The following PPM1L variants were observed in gnomAD, a reference collection of about 807,000 sequenced individuals.
PPM1L encodes protein phosphatase 1L.
PPM1L carries 13 observed loss-of-function variants against 31.4 expected under a neutral mutation model. The ratio of observed to expected loss-of-function variants is 0.41; its 90% confidence interval spans 0.27 to 0.66. The LOEUF (loss-of-function observed/expected upper bound fraction) is 0.66. PPM1L is among the 30% of genes least tolerant of loss of function. The pLI, the probability that PPM1L is intolerant of heterozygous loss-of-function variation, is 0.29. For missense variants in PPM1L, 326 were observed against 453.7 expected, an observed-to-expected ratio of 0.72 and a Z score of 2.56; for synonymous variants, 184 against 175.4, an observed-to-expected ratio of 1.05 and a Z score of -0.39.
intron 1 of PPM1L, among the ~76,000 whole-genome samples, chr3:160,844,540 A>G (rs1335998075): frequency 3.3e-5 from 5 of 152,154 alleles, no homozygotes; most frequent in African/African-American, 1.2e-4. Context: ...ACCGGTTTGC[A>G]AATCTTTTCT....
intron 1 of PPM1L, among the ~76,000 whole-genome samples, chr3:160,835,637 C>T (rs375773321): frequency 6.6e-6 from 1 of 152,104 alleles, no homozygotes; most frequent in Non-Finnish European, 1.5e-5. Flanking sequence ...CCACTCCTCT[C>T]TACCACAGAC....
chr3:160,835,067 C>CTTCTTCTTCTTCTTCTTCTTT (rs1713664309), intron 1 of PPM1L, among the ~76,000 whole-genome samples: 1 of 148,876 alleles, frequency 6.7e-6, no homozygotes, highest in African/African-American at 2.5e-5. Flanking sequence ...TCTTCTTCTT[C>CTTCTTCTTCTTCTTCTTCTTT]TTCTTCTTCT....
chr3:161,047,119 G>A (rs1719106842), intron 2 of PPM1L, among the ~76,000 whole-genome samples: 1 of 152,110 alleles, frequency 6.6e-6, no homozygotes, highest in Admixed American at 6.6e-5. Context: ...GAAATAAAGG[G>A]TATTCAGCTA....
intron 1 of PPM1L, among the ~76,000 whole-genome samples, chr3:160,853,301 C>G (rs1190124579): frequency 6.6e-6 from 1 of 152,158 alleles, no homozygotes; most frequent in East Asian, 1.9e-4. Context: ...CAGCCTACTA[C>G]AAATACTTTA....
chr3:160,846,226 A>T (rs1228552266), intron 1 of PPM1L, among the ~76,000 whole-genome samples: 1 of 152,082 alleles, frequency 6.6e-6, no homozygotes, highest in Non-Finnish European at 1.5e-5. Flanking sequence ...TTTTGTCTGG[A>T]TCTTTGTTCA....
At chr3:160,818,356 C>T (rs7648363) in intron 1 of PPM1L, among the ~76,000 whole-genome samples, 46,466 of 151,786 alleles carry the variant, frequency 0.31, 7,667 homozygotes, top group East Asian at 0.52. Context: ...ATTGCTGGGA[C>T]ACAGTATTTG....
chr3:161,048,100 A>G (rs900974063), intron 2 of PPM1L, among the ~76,000 whole-genome samples: 2 of 152,250 alleles, frequency 1.3e-5, no homozygotes, highest in Non-Finnish European at 2.9e-5. Context: ...ATCTAATTAA[A>G]CTAAAGAGCT....
At position 161,069,443 on chromosome 3, in the gene PPM1L, CAT is replaced by C. The variant is rs1186153335; in HGVS notation, c.*289_*290del. Reference sequence around the variant, plus strand: ...AGAGTCACATATATGAAGTGAATAGCATATGTGTCATTTAGTCTCCCTGAAGA... The same window carrying C: ...AGAGTCACATATATGAAGTGAATAGCATGTGTCATTTAGTCTCCCTGAAGA... On this transcript the variant is annotated 3_prime_UTR_variant, in exon 4 of 4. Coordinates refer to ENST00000498165, the MANE Select transcript of PPM1L (RefSeq NM_139245.4). The C allele has an allele frequency of 2.6e-6, 1 of 382,364 alleles. No homozygotes were observed. The highest frequency in any genetic ancestry group is 2.0e-5 in the African/African-American group (1 of 48,798). 23.7% of individuals were successfully genotyped at this position (382,364 alleles called of 1,614,324 possible). A position where few individuals can be genotyped will look rare whatever the true frequency, so the allele number is the denominator to read the frequency against.
chr3:160,786,125 TTTTC>T (rs1430215646), intron 1 of PPM1L, among the ~76,000 whole-genome samples: 10 of 121,964 alleles, frequency 8.2e-5, no homozygotes, highest in Admixed American at 7.5e-4. Context: ...GGAATCTCAT[TTTTC>T]TCTCTCTCTC....
chr3:160,970,951 C>T (rs938850559), intron 2 of PPM1L, among the ~76,000 whole-genome samples: 17 of 151,950 alleles, frequency 1.1e-4, no homozygotes, highest in Admixed American at 2.6e-4. Context: ...CCACCTCGCC[C>T]GGCTAATTTT....
chr3:160,820,786 G>A (rs1713176278), intron 1 of PPM1L, among the ~76,000 whole-genome samples: 1 of 151,844 alleles, frequency 6.6e-6, no homozygotes, highest in Non-Finnish European at 1.5e-5. Context: ...TTCTGTTAAT[G>A]GATATTTCAT....
At chr3:160,774,512 A>G (rs1711515218) in intron 1 of PPM1L, among the ~76,000 whole-genome samples, 1 of 152,150 alleles carries the variant, frequency 6.6e-6, no homozygotes, top group Non-Finnish European at 1.5e-5. Context: ...AAAACCTCTG[A>G]TTTTCAGCAA....
chr3:160,804,897 T>C (rs1245008296), intron 1 of PPM1L, among the ~76,000 whole-genome samples: 1 of 152,240 alleles, frequency 6.6e-6, no homozygotes, highest in Non-Finnish European at 1.5e-5. Flanking sequence ...TCATCACATG[T>C]AAGGGATCTG....
intron 2 of PPM1L, among the ~76,000 whole-genome samples, chr3:161,013,565 C>T (rs989201541): frequency 6.6e-6 from 1 of 152,014 alleles, no homozygotes; most frequent in Non-Finnish European, 1.5e-5. Flanking sequence ...CTGAGTTCAA[C>T]TCCTGGATAT....
intron 1 of PPM1L, among the ~76,000 whole-genome samples, chr3:160,940,101 G>A (rs750782649): frequency 3.3e-5 from 5 of 152,004 alleles, no homozygotes; most frequent in African/African-American, 7.3e-5. Flanking sequence ...TTTTGCCTCC[G>A]CCCTAGAGAT....
At position 160,970,787 on chromosome 3, in the gene PPM1L, A is replaced by ATTCTTTTTTT. The variant is rs1360956984; in HGVS notation, c.574+8879_574+8880insCTTTTTTTTT. 1.4e-3 allele frequency among the ~76,000 whole-genome samples: 132 copies of ATTCTTTTTTT among 97,176 alleles called. 22 individuals carry two copies. Among genetic ancestry groups the ATTCTTTTTTT allele is most frequent in the African/African-American group, 4.5e-3 (101 of 22,366 alleles). 63.8% of individuals were successfully genotyped at this position (97,176 alleles called of 152,430 possible). ...CAAGCTGATTTTAATTTCAGTTATA[A>ATTCTTTTTTT]TTTTTTTTTTTTTTTTTTTTTTGAG... On this transcript the variant is annotated intron_variant, in intron 2 of 3. Transcript: ENST00000498165.
intron 2 of PPM1L, among the ~76,000 whole-genome samples, chr3:161,003,611 G>A (rs1195806053): frequency 6.6e-6 from 1 of 152,054 alleles, no homozygotes; most frequent in Non-Finnish European, 1.5e-5. Flanking sequence ...ATTGTGAATG[G>A]GAGTTCACTC....
intron 1 of PPM1L, among the ~76,000 whole-genome samples, chr3:160,829,246 A>C (rs1328217225): frequency 6.6e-6 from 1 of 152,080 alleles, no homozygotes; most frequent in Non-Finnish European, 1.5e-5. Flanking sequence ...AAAAAAAAAA[A>C]AACCTAGCCT....
intron 1 of PPM1L, among the ~76,000 whole-genome samples, chr3:160,944,956 C>CA (rs1553748244): frequency 6.1e-5 from 2 of 32,530 alleles, no homozygotes; most frequent in African/African-American, 2.1e-4. Context: ...CTATATATAA[C>CA]TATATAACAT....
Sources: gnomAD v4.1 joint callset for allele counts (sites outside exome capture counted in the v4.1 genomes callset) on GRCh38, gnomAD v4.1.1 for gene constraint, MANE v1.5 for transcripts, NCBI Gene and HGNC (gene_info 2026-07-23, HGNC 2026-07-21) for gene names.